Variants in OR7E24 observed in about 807,000 individuals in gnomAD.
OR7E24 encodes olfactory receptor family 7 subfamily E member 24, also known as olfactory receptor 7E24.
For synonymous variants in OR7E24, 130 were observed against 157.5 expected, an observed-to-expected ratio of 0.83 and a Z score of 1.31; for missense variants, 385 against 410.3, an observed-to-expected ratio of 0.94 and a Z score of 0.53.
At chr19:9,224,944 T>C in the OR7E24 span, among the ~76,000 whole-genome samples, 1 of 152,138 alleles carries the variant, frequency 6.6e-6, no homozygotes, top group South Asian at 2.1e-4. Context: ...GTAGACTTTC[T>C]CTCAATTTTC....
the OR7E24 span, among the ~76,000 whole-genome samples, chr19:9,221,339 C>CT: frequency 7.9e-6 from 1 of 127,226 alleles, no homozygotes. Context: ...GGTCTTTTGC[C>CT]CTTTTTTTTT....
At chr19:9,214,502 A>G in the OR7E24 span, 1 of 1,614,142 alleles carries the variant, frequency 6.2e-7, no homozygotes, top group East Asian at 2.2e-5. Context: ...CCAGTAGGAA[A>G]GTATCCATTC....
chr19:9,229,259 G>C, the OR7E24 span, among the ~76,000 whole-genome samples: 3 of 152,178 alleles, frequency 2.0e-5, no homozygotes, highest in Non-Finnish European at 2.9e-5. Flanking sequence ...GCCAGGGATG[G>C]TGGCTCATGC....
At chr19:9,232,682 G>T in the OR7E24 span, among the ~76,000 whole-genome samples, 2 of 151,846 alleles carry the variant, frequency 1.3e-5, no homozygotes, top group South Asian at 4.1e-4. Flanking sequence ...AATGGAACTG[G>T]AAGACCCACT....
chr19:9,214,202 A>T, the OR7E24 span: 2 of 1,614,196 alleles, frequency 1.2e-6, no homozygotes, highest in East Asian at 4.5e-5. Flanking sequence ...AGAGGATCCC[A>T]GCTACAGGAA....
the OR7E24 span, chr19:9,236,233 C>T: frequency 3.4e-6 from 2 of 580,454 alleles, no homozygotes; most frequent in Non-Finnish European, 6.1e-6. Flanking sequence ...TTTTGTATGG[C>T]CGGGCACGGT....
the OR7E24 span, among the ~76,000 whole-genome samples, chr19:9,226,396 C>T: frequency 6.6e-6 from 1 of 152,092 alleles, no homozygotes; most frequent in Non-Finnish European, 1.5e-5. Context: ...GGAACGGGAC[C>T]GCACATTCCG....
chr19:9,238,561 C>T, the OR7E24 span, among the ~76,000 whole-genome samples: 14 of 152,078 alleles, frequency 9.2e-5, no homozygotes, highest in African/African-American at 2.2e-4. Flanking sequence ...GTTATCTTTC[C>T]GTTTTTTGAA....
At chr19:9,237,813 C>A in the OR7E24 span, among the ~76,000 whole-genome samples, 2 of 152,290 alleles carry the variant, frequency 1.3e-5, no homozygotes, top group Middle Eastern at 3.4e-3. Context: ...TAGTTTCCAT[C>A]AGTTGGGGAA....
chr19:9,249,107 T>C (rs2066138230), upstream of OR7E24, among the ~76,000 whole-genome samples: 1 of 152,220 alleles, frequency 6.6e-6, no homozygotes, highest in Non-Finnish European at 1.5e-5. Flanking sequence ...CTATTAATAT[T>C]CCAAGGTTAA....
chr19:9,225,854 A>T, the OR7E24 span, among the ~76,000 whole-genome samples: 1 of 152,180 alleles, frequency 6.6e-6, no homozygotes, highest in East Asian at 1.9e-4. Context: ...ATCCCCTTAG[A>T]GAGTTGCTCT....
upstream of OR7E24, among the ~76,000 whole-genome samples, chr19:9,247,829 T>C (rs970268004): frequency 1.3e-5 from 2 of 152,206 alleles, no homozygotes; most frequent in African/African-American, 4.8e-5. Context: ...TATCTCATTG[T>C]GTTTTTTATT....
At chr19:9,248,941 G>A (rs1210888708), upstream of OR7E24, among the ~76,000 whole-genome samples, 1 of 152,194 alleles carries the variant, frequency 6.6e-6, no homozygotes, top group Admixed American at 6.5e-5. Flanking sequence ...TGTGTGACAA[G>A]GGGTGAGATG....
the OR7E24 span, chr19:9,211,884 C>G: frequency 1.4e-5 from 2 of 146,422 alleles, no homozygotes; most frequent in Non-Finnish European, 3.0e-5. Flanking sequence ...ACTCCCATTT[C>G]ATTTTAAAAT....
At chr19:9,213,939 G>T in the OR7E24 span, 1 of 1,614,052 alleles carries the variant, frequency 6.2e-7, no homozygotes. Flanking sequence ...TCTTTCCAGG[G>T]CCCCCTTCAC....
At chr19:9,208,740 G>A in the OR7E24 span, 7 of 143,116 alleles carry the variant, frequency 4.9e-5, no homozygotes, top group Admixed American at 5.0e-4. Context: ...TGCCCAGGCT[G>A]GAATGCAATG....
rs765820764 is a variant in OR7E24, at chr19:9,252,077, A to G, written c.*14A>G. Reference sequence around the variant, plus strand: ...TATATGGGATAGAAATGGCAGCAAAATTTAACACCTAGGCCTGCAAATTCT... The same window carrying G: ...TATATGGGATAGAAATGGCAGCAAAGTTTAACACCTAGGCCTGCAAATTCT... On this transcript the variant is annotated 3_prime_UTR_variant, in exon 1 of 1. Transcript: ENST00000456448. 2.5e-6 allele frequency: 4 copies of G among 1,605,700 alleles called. No individual in the cohort carries two copies. The highest frequency in any genetic ancestry group is 2.6e-6 in the Non-Finnish European group (3 of 1,175,010).
chr19:9,230,131 G>T, the OR7E24 span, among the ~76,000 whole-genome samples: 3 of 150,302 alleles, frequency 2.0e-5, no homozygotes, highest in Admixed American at 2.0e-4. Context: ...CACAACCTCC[G>T]CCTCTTGGGT....
the OR7E24 span, among the ~76,000 whole-genome samples, chr19:9,220,295 A>G: frequency 6.6e-6 from 1 of 152,162 alleles, no homozygotes; most frequent in Non-Finnish European, 1.5e-5. Flanking sequence ...TACTTCTCTT[A>G]TATAGCTGTA....
Sources: gnomAD v4.1 joint callset for allele counts (sites outside exome capture counted in the v4.1 genomes callset) on GRCh38, gnomAD v4.1.1 for gene constraint, MANE v1.5 for transcripts, NCBI Gene and HGNC (gene_info 2026-07-23, HGNC 2026-07-21) for gene names.